ELF3: variants seen among roughly 807,000 people sequenced by gnomAD.
ELF3 encodes the protein E74 like ETS transcription factor 3.
In ELF3, 18 loss-of-function variants were observed where a neutral mutation model predicts 43.9. The observed-to-expected ratio is 0.41, with a 90% CI of 0.28 to 0.61. The LOEUF (loss-of-function observed/expected upper bound fraction) is 0.61. Ranked by LOEUF, ELF3 falls within the 20% of genes least tolerant of loss-of-function variation. ELF3 has a pLI of 0.30. For synonymous variants in ELF3, 181 were observed against 190.2 expected (o/e 0.95, Z 0.40); for missense variants, 373 against 487.7 (o/e 0.76, Z 2.21).
Position 202,015,222 on chromosome 1 carries a change from C to A in ELF3, c.1015C>A (p.Arg339=). 1.2e-6 allele frequency: 2 copies of A among 1,614,036 alleles called. No individual in the cohort carries two copies. The highest frequency in any genetic ancestry group is 2.2e-5 in the South Asian group (2 of 91,084). The change falls in exon 9 of 9, where the codon CGG becomes AGG. Residue 339 remains arginine, a synonymous_variant. Coordinates refer to ENST00000367284, the MANE Select transcript of ELF3 (RefSeq NM_004433.5). Reference sequence around the variant, plus strand: ...CTCTTCACCCAGGTACTACTACAAACGGGAGATCCTGGAACGGGTGGATGG... The same window carrying A: ...CTCTTCACCCAGGTACTACTACAAAAGGGAGATCCTGGAACGGGTGGATGG... ...LSRAMRYYYK[R]EILERVDGRR...
chr1:202,013,065 G>A lies in ELF3; in HGVS notation c.688+29G>A, dbSNP rs933804715. 33 of 1,606,508 alleles carry A rather than the reference G, an allele frequency of 2.1e-5. No homozygotes were observed. The highest frequency in any genetic ancestry group is 8.0e-5 in the African/African-American group (6 of 74,788). Reference sequence around the variant, plus strand: ...AGTCGAGGGAGGTCCCCAAGAGGGCGTCCCATTTAGCAATGCACAGGGGGC... The same window carrying A: ...AGTCGAGGGAGGTCCCCAAGAGGGCATCCCATTTAGCAATGCACAGGGGGC... On this transcript the variant is annotated intron_variant, in intron 6 of 8. Coordinates refer to ENST00000367284, the MANE Select transcript of ELF3 (RefSeq NM_004433.5). The surrounding 1 kb of genome is among the most constrained non-coding windows in gnomAD (Gnocchi z 5.7).
At chr1:202,014,050 G>T in intron 8 of ELF3, 26 bp downstream of exon 8, 2 of 1,587,092 alleles carry the variant, frequency 1.3e-6, no homozygotes. Context: ...GGACCCTCAC[G>T]ATACAGCCGG....
At position 202,014,091 on chromosome 1, in the gene ELF3, C is replaced by T; in HGVS notation, c.1001+67C>T. The T allele has an allele frequency of 2.7e-6, 4 of 1,498,076 alleles. No individual in the cohort carries two copies. The South Asian group carries it at 4.0e-5, about 15-fold the overall frequency. 92.8% of individuals were successfully genotyped at this position (1,498,076 alleles called of 1,614,324 possible). A position where few individuals can be genotyped will look rare whatever the true frequency, so the allele number is the denominator to read the frequency against. On this transcript the variant is annotated intron_variant, in intron 8 of 8. Transcript: ENST00000367284. ...GGGACAGGCGCTCACACTCCCACCG[C>T]CCTCTTTCTGGCTGCCACTTGGCTT... is the stretch of plus-strand genomic sequence containing the variant.
At position 202,015,407 on chromosome 1, in the gene ELF3, C is replaced by T. The variant is rs916350411; in HGVS notation, c.*84C>T. On this transcript the variant is annotated 3_prime_UTR_variant, in exon 9 of 9. Coordinates refer to ENST00000367284, the MANE Select transcript of ELF3 (RefSeq NM_004433.5). The stretch of plus-strand genomic sequence containing the variant: ...TGGGAGGACAGGCAGGCCAGATGGC[C>T]CCTCCACTGGGGAATGCTCCCAGCT... The T allele has an allele frequency of 3.0e-6, 4 of 1,318,688 alleles. No individual in the cohort carries two copies. Among genetic ancestry groups the T allele is most frequent in the South Asian group, 1.2e-5 (1 of 81,828 alleles). 81.7% of individuals were successfully genotyped at this position (1,318,688 alleles called of 1,614,324 possible).
At chr1:202,014,434 T>TAAAATC (rs903516406) in intron 8 of ELF3, among the ~76,000 whole-genome samples, 4 of 152,216 alleles carry the variant, frequency 2.6e-5, no homozygotes, top group African/African-American at 9.6e-5. Context: ...CGTCCAGCCC[T>TAAAATC]AAAATCATGT....
In ELF3 at chr1:202,011,232, T is replaced by A. The variant is rs1401000946; in HGVS notation, c.96T>A (p.Ala32=). ...EDSTLASVPP[A]ATFGADDLVL... is the part of the protein sequence containing the mutation. ...CCACCCTGGCCTCTGTTCCCCCTGCTGCCACCTTTGGGGCCGATGACTTGG... is the reference window on the plus strand; with the variant it reads ...CCACCCTGGCCTCTGTTCCCCCTGCAGCCACCTTTGGGGCCGATGACTTGG... Residue 32 remains alanine (A), a synonymous_variant, in exon 2 of 9, where the codon GCT becomes GCA. Transcript: ENST00000367284. 6.2e-7 allele frequency: 1 copy of A among 1,613,406 alleles called. No individual in the cohort carries two copies. Among genetic ancestry groups the A allele is most frequent in the Non-Finnish European group, 8.5e-7 (1 of 1,179,682 alleles).
chr1:202,012,013 G>T lies in ELF3; in HGVS notation c.220G>T (p.Asp74Tyr). 1.2e-6 allele frequency: 2 copies of T among 1,614,210 alleles called. No homozygotes were observed. Among genetic ancestry groups the T allele is most frequent in the Non-Finnish European group, 1.7e-6 (2 of 1,180,048 alleles). The stretch of plus-strand genomic sequence containing the variant: ...GTTCTGGTCGAAGACGCAGGTTCTG[G>T]ACTGGATCAGCTACCAAGTGGAGAA... ...PQFWSKTQVL[D>Y]WISYQVEKNK... is the part of the protein sequence containing the mutation. The change falls in exon 3 of 9, where the codon GAC becomes TAC. Residue 74 changes from aspartate to tyrosine, a missense_variant. Physicochemically the swap from Asp to Tyr is radical, Grantham distance 160. This residue lies in a region of ELF3 where 311 missense variants were observed against 351.2 expected (regional missense o/e 0.89). Transcript: ENST00000367284. This position sits in a 1 kb window ranked among gnomAD's most constrained non-coding sequence, Gnocchi z 4.2.
chr1:202,014,425 G>A (rs990806537), intron 8 of ELF3, among the ~76,000 whole-genome samples: 7 of 152,036 alleles, frequency 4.6e-5, no homozygotes, highest in East Asian at 3.9e-4. Flanking sequence ...TTAAGATCCC[G>A]TCCAGCCCTA....
In ELF3 at chr1:202,016,750, G is replaced by C. The variant is rs1343317682; in HGVS notation, c.*1427G>C. On this transcript the variant is annotated 3_prime_UTR_variant, in exon 9 of 9. Transcript: ENST00000367284. The stretch of plus-strand genomic sequence containing the variant: ...CCAGGTAGTGAGTATAGCACCCAGT[G>C]AAACTGTAGTCTCATGCCAGGCACT... 1 of 152,144 alleles carries C rather than the reference G, an allele frequency of 6.6e-6. No individual in the cohort carries two copies. The highest frequency in any genetic ancestry group is 2.4e-5 in the African/African-American group (1 of 41,446). 9.4% of individuals were successfully genotyped at this position (152,144 alleles called of 1,614,324 possible). A position where few individuals can be genotyped will look rare whatever the true frequency, so the allele number is the denominator to read the frequency against.
intron 8 of ELF3, among the ~76,000 whole-genome samples, chr1:202,014,576 A>G (rs931027841): frequency 5.3e-5 from 8 of 152,074 alleles, no homozygotes; most frequent in Non-Finnish European, 1.0e-4. Context: ...TACAGGTGTG[A>G]GCCAGTATGC....
chr1:202,014,424 C>T lies in ELF3; in HGVS notation c.1001+400C>T, dbSNP rs377506740. On this transcript the variant is annotated intron_variant, in intron 8 of 8. Transcript: ENST00000367284. ...AGTACACTAGATCATCTTAAGATCC[C>T]GTCCAGCCCTAAAATCATGTACTTA... 6.6e-5 allele frequency among the ~76,000 whole-genome samples: 10 copies of T among 152,146 alleles called. No individual in the cohort carries two copies. In the East Asian group the frequency reaches 1.5e-3, roughly 23 times the overall value.
chr1:202,012,773 C>T lies in ELF3; in HGVS notation c.598+14C>T, dbSNP rs765605228. ...TCTCCACCGCAGGTGAGAGCTCTCTCTGGGCCACAACCTCCCTTCCCCGAA... is the reference window on the plus strand; with the variant it reads ...TCTCCACCGCAGGTGAGAGCTCTCTTTGGGCCACAACCTCCCTTCCCCGAA... On this transcript the variant is annotated intron_variant, in intron 5 of 8. Coordinates refer to ENST00000367284, the MANE Select transcript of ELF3 (RefSeq NM_004433.5). This position sits in a 1 kb window ranked among gnomAD's most constrained non-coding sequence, Gnocchi z 4.2. 1 of 1,547,432 alleles carries T rather than the reference C, an allele frequency of 6.5e-7. No homozygotes were observed. Among genetic ancestry groups the T allele is most frequent in the Admixed American group, 2.0e-5 (1 of 50,762 alleles).
intron 2 of ELF3, 71 bp downstream of exon 2, chr1:202,011,370 G>C (rs1369093140): frequency 6.8e-7 from 1 of 1,479,990 alleles, no homozygotes; most frequent in Non-Finnish European, 9.0e-7. Flanking sequence ...TTAGACAAAT[G>C]GGGGAATAGG....
Position 202,012,235 on chromosome 1 carries a change from T to A in ELF3, c.385+57T>A. 2.5e-6 allele frequency: 4 copies of A among 1,606,818 alleles called. No individual in the cohort carries two copies. Among genetic ancestry groups the A allele is most frequent in the Non-Finnish European group, 3.4e-6 (4 of 1,176,184 alleles). On this transcript the variant is annotated intron_variant, in intron 3 of 8. Transcript: ENST00000367284. The surrounding 1 kb of genome is among the most constrained non-coding windows in gnomAD (Gnocchi z 4.2). ...GCTCCACATGTTGAGCTGAGTCGAG[T>A]TCAGTGTGGCCGTAGGCAGGCCCTG...
At position 202,015,192 on chromosome 1, in the gene ELF3, T is replaced by C. The variant is rs1159693703; in HGVS notation, c.1002-17T>C. The C allele has an allele frequency of 1.2e-6, 2 of 1,613,484 alleles. No homozygotes were observed. Among genetic ancestry groups the C allele is most frequent in the African/African-American group, 2.7e-5 (2 of 74,876 alleles). Reference sequence around the variant, plus strand: ...TTTCCTGCCAAAGCACCTCTGACCATCCTTCTCTTCACCCAGGTACTACTA... The same window carrying C: ...TTTCCTGCCAAAGCACCTCTGACCACCCTTCTCTTCACCCAGGTACTACTA... On this transcript the variant is annotated splice_polypyrimidine_tract_variant and intron_variant, in intron 8 of 8. Transcript: ENST00000367284.
chr1:202,011,717 C>CA (rs944129334), intron 2 of ELF3: 129 of 538,374 alleles, frequency 2.4e-4, no homozygotes, highest in Non-Finnish European at 2.9e-4. Context: ...ACTAAAAATA[C>CA]AAAAAAAAAT....
rs191299007 is a variant in ELF3, at chr1:202,010,792, A to G, written c.-9+86A>G. On this transcript the variant is annotated intron_variant, in intron 1 of 8. Transcript: ENST00000367284. This position sits in a 1 kb window ranked among gnomAD's most constrained non-coding sequence, Gnocchi z 4.3. The stretch of plus-strand genomic sequence containing the variant: ...AGGATTTGCAGTTCTGAACCTGCAC[A>G]CTCCAGTCTAGGATCTCCGAGCAAG... 1.2e-5 allele frequency: 3 copies of G among 240,724 alleles called. No homozygotes were observed. The Admixed American group carries it at 1.6e-4, about 13-fold the overall frequency. 14.9% of individuals were successfully genotyped at this position (240,724 alleles called of 1,614,324 possible). A position where few individuals can be genotyped will look rare whatever the true frequency, so the allele number is the denominator to read the frequency against.
chr1:202,013,676 C>T lies in ELF3; in HGVS notation c.806-153C>T. ...GGTGGGCTGAGGAGAAAAGCAGTCA[C>T]TGCAGTACCCGCACAGAGGGCACTG... On this transcript the variant is annotated intron_variant, in intron 7 of 8. Coordinates refer to ENST00000367284, the MANE Select transcript of ELF3 (RefSeq NM_004433.5). This position sits in a 1 kb window ranked among gnomAD's most constrained non-coding sequence, Gnocchi z 5.7. 1 of 823,790 alleles carries T rather than the reference C, an allele frequency of 1.2e-6. No homozygotes were observed. Among genetic ancestry groups the T allele is most frequent in the Non-Finnish European group, 1.9e-6 (1 of 528,126 alleles). 51.0% of individuals were successfully genotyped at this position (823,790 alleles called of 1,614,324 possible).
rs763596127 is a variant in ELF3 at position 202,015,223 on chromosome 1, G to A, written c.1016G>A (p.Arg339Gln). 8.1e-6 allele frequency: 13 copies of A among 1,613,912 alleles called. No individual in the cohort carries two copies. The highest frequency in any genetic ancestry group is 1.1e-5 in the South Asian group (1 of 91,082). ...LSRAMRYYYK[R>Q]EILERVDGRR... ...TCTTCACCCAGGTACTACTACAAACGGGAGATCCTGGAACGGGTGGATGGC... is the reference window on the plus strand; with the variant it reads ...TCTTCACCCAGGTACTACTACAAACAGGAGATCCTGGAACGGGTGGATGGC... Residue 339 changes from arginine to glutamine, a missense_variant, in exon 9 of 9, where the codon CGG becomes CAG. Coordinates refer to ENST00000367284, the MANE Select transcript of ELF3 (RefSeq NM_004433.5).
Sources: allele counts gnomAD v4.1 joint callset (sites outside exome capture counted in the v4.1 genomes callset), GRCh38; gene constraint gnomAD v4.1.1; regional missense constraint gnomAD v4.1.1; non-coding constraint Gnocchi (gnomAD v3.1); transcripts MANE v1.5; gene names NCBI Gene and HGNC (gene_info 2026-07-23, HGNC 2026-07-21).